Variants in PARD3B observed in about 807,000 individuals in gnomAD.
PARD3B encodes the protein par-3 family cell polarity regulator beta.
Under a neutral mutation model 130.2 loss-of-function variants are expected in PARD3B, and 103 were observed. The observed-to-expected ratio is 0.79, with a 90% CI of 0.67 to 0.93. PARD3B has a LOEUF of 0.93. Among genes scored for constraint, PARD3B ranks in the 40% least tolerant of loss-of-function variants. PARD3B has a pLI of 0.00. For synonymous variants in PARD3B, 583 were observed against 553.2 expected (o/e 1.05, Z -0.76); for missense variants, 1,609 against 1,499.2 (o/e 1.07, Z -1.21).
At position 205,064,051 on chromosome 2, in the gene PARD3B, G is replaced by A. The variant is rs144689361; in HGVS notation, c.504+16361G>A. Among the ~76,000 whole-genome samples the A allele has an allele frequency of 4.3e-3, 661 of 152,298 alleles. 14 individuals are homozygous for A. The highest frequency in any genetic ancestry group is 0.038 in the East Asian group (197 of 5,178). ...AGTTGGAAAAGATACTGGAGGCAAC[G>A]CATTGGGAACAGCCCTGTGGAACTT... On this transcript the variant is annotated intron_variant, in intron 4 of 22. Coordinates refer to ENST00000406610, the MANE Select transcript of PARD3B (RefSeq NM_001302769.2).
intron 18 of PARD3B, among the ~76,000 whole-genome samples, chr2:205,369,708 T>A (rs547382552): frequency 2.4e-4 from 37 of 152,348 alleles, no homozygotes; most frequent in South Asian, 6.2e-4. Flanking sequence ...CTCCCTACAT[T>A]ACAGATAATC....
intron 1 of PARD3B, among the ~76,000 whole-genome samples, chr2:204,593,941 G>A (rs1022630339): frequency 6.6e-6 from 1 of 152,122 alleles, no homozygotes; most frequent in Non-Finnish European, 1.5e-5. Flanking sequence ...TTCCACAGTT[G>A]TGTCTTGACT....
At chr2:205,145,018 C>G (rs1320978560) in intron 10 of PARD3B, among the ~76,000 whole-genome samples, 1 of 152,124 alleles carries the variant, frequency 6.6e-6, no homozygotes, top group African/African-American at 2.4e-5. Flanking sequence ...ACTCCCTGAG[C>G]CTTAAAGTGA....
rs73068650 is a variant in PARD3B at position 204,864,538 on chromosome 2, G to A, written c.223-100614G>A. On this transcript the variant is annotated intron_variant, in intron 2 of 22. Transcript: ENST00000406610. The stretch of plus-strand genomic sequence containing the variant: ...TCTTTCTTAGAATTAAAGTGTCCAC[G>A]CAAAGTCCCCCTATTCAAAGAGTGC... 6.4e-3 allele frequency among the ~76,000 whole-genome samples: 969 copies of A among 152,156 alleles called. 6 individuals carry two copies. The highest frequency in any genetic ancestry group is 0.022 in the African/African-American group (906 of 41,506).
chr2:205,445,376 G>C (rs940211543), intron 20 of PARD3B, among the ~76,000 whole-genome samples: 5 of 152,214 alleles, frequency 3.3e-5, no homozygotes, highest in Admixed American at 1.3e-4. Flanking sequence ...TTGGCTCACA[G>C]TTCTGCAGGC....
intron 2 of PARD3B, among the ~76,000 whole-genome samples, chr2:204,778,739 T>C (rs1358079565): frequency 1.3e-5 from 2 of 152,130 alleles, no homozygotes; most frequent in Admixed American, 1.3e-4. Flanking sequence ...ATCATGCTAG[T>C]CCAAGCTGCC....
chr2:204,616,854 G>T (rs2034130523), intron 1 of PARD3B, among the ~76,000 whole-genome samples: 2 of 152,286 alleles, frequency 1.3e-5, no homozygotes, highest in Middle Eastern at 3.4e-3. Flanking sequence ...ACTGAAAGTG[G>T]CAGGAACATG....
intron 2 of PARD3B, among the ~76,000 whole-genome samples, chr2:204,706,718 A>T (rs1009991279): frequency 6.6e-6 from 1 of 152,196 alleles, no homozygotes; most frequent in Non-Finnish European, 1.5e-5. Flanking sequence ...CCTTGAAAAC[A>T]AATGAGTTTC....
chr2:205,012,013 A>G (rs1352384538), intron 3 of PARD3B, among the ~76,000 whole-genome samples: 1 of 152,152 alleles, frequency 6.6e-6, no homozygotes, highest in Non-Finnish European at 1.5e-5. Context: ...TCTTGCCATC[A>G]GCCCCACCCT....
intron 10 of PARD3B, among the ~76,000 whole-genome samples, chr2:205,155,781 A>G (rs1292072893): frequency 2.0e-5 from 3 of 151,988 alleles, no homozygotes; most frequent in East Asian, 1.9e-4. Flanking sequence ...TTTGATTTGC[A>G]TTTCTCTGAT....
chr2:205,446,380 C>T lies in PARD3B; in HGVS notation c.3044+5708C>T, dbSNP rs548508223. Among the ~76,000 whole-genome samples the T allele has an allele frequency of 6.6e-6, 1 of 152,200 alleles. No homozygotes were observed. Among genetic ancestry groups the T allele is most frequent in the East Asian group, 1.9e-4 (1 of 5,186 alleles). ...TCAATAGGCTGTTTAATAGCATAGG[C>T]GGTTTATCCTCATCTACTTATTTGT... On this transcript the variant is annotated intron_variant, in intron 20 of 22. Transcript: ENST00000406610. This position sits in a 1 kb window ranked among gnomAD's most constrained non-coding sequence, Gnocchi z 4.4.
chr2:204,779,324 C>T (rs1337622759), intron 2 of PARD3B, among the ~76,000 whole-genome samples: 1 of 152,146 alleles, frequency 6.6e-6, no homozygotes, highest in African/African-American at 2.4e-5. Flanking sequence ...GTGTCTAATA[C>T]ATAGCAGCTG....
intron 20 of PARD3B, among the ~76,000 whole-genome samples, chr2:205,464,322 G>C (rs562145090): frequency 5.3e-5 from 8 of 152,142 alleles, no homozygotes; most frequent in Non-Finnish European, 1.2e-4. Flanking sequence ...CTAAAAGTTG[G>C]TTAGTAGACT....
chr2:205,459,321 C>T (rs2048372880), intron 20 of PARD3B, among the ~76,000 whole-genome samples: 1 of 152,012 alleles, frequency 6.6e-6, no homozygotes, highest in Admixed American at 6.6e-5. Context: ...TAAGCTTATC[C>T]AGCTTTTTTG....
Position 205,291,409 on chromosome 2 carries a change from CAGAT to C in PARD3B, c.2186-9120_2186-9117del, listed in dbSNP as rs1314960551. On this transcript the variant is annotated intron_variant, in intron 16 of 22. Coordinates refer to ENST00000406610, the MANE Select transcript of PARD3B (RefSeq NM_001302769.2). This position sits in a 1 kb window ranked among gnomAD's most constrained non-coding sequence, Gnocchi z 4.6. ...GGTAAAGGCCATTCTTATGAGGTCT[CAGAT>C]GGAAATGAGGAACATGTTATTCACG... Among the ~76,000 whole-genome samples, 2 of 152,072 alleles carry C rather than the reference CAGAT, an allele frequency of 1.3e-5. No homozygotes were observed. Among genetic ancestry groups the C allele is most frequent in the African/African-American group, 4.8e-5 (2 of 41,408 alleles).
At chr2:204,820,071 C>CTTTTTTTT (rs557143420) in intron 2 of PARD3B, among the ~76,000 whole-genome samples, 5,399 of 98,172 alleles carry the variant, frequency 0.055, 658 homozygotes, top group African/African-American at 0.13. Context: ...AAACAATAGA[C>CTTTTTTTT]TTTTTTTTTT....
At chr2:205,197,606 A>T (rs1051883572) in intron 15 of PARD3B, among the ~76,000 whole-genome samples, 1 of 152,178 alleles carries the variant, frequency 6.6e-6, no homozygotes, top group African/African-American at 2.4e-5. Context: ...GCATGTGGTC[A>T]CATTTAAATC....
chr2:204,696,662 G>A (rs528875892), intron 2 of PARD3B, among the ~76,000 whole-genome samples: 12 of 152,138 alleles, frequency 7.9e-5, no homozygotes, highest in South Asian at 6.2e-4. Flanking sequence ...AAGTTGTAGC[G>A]TTTGAAAGTC....
At position 205,416,707 on chromosome 2, in the gene PARD3B, T is replaced by C. The variant is rs372249551; in HGVS notation, c.2741+15584T>C. Among the ~76,000 whole-genome samples, 11 of 152,158 alleles carry C rather than the reference T, an allele frequency of 7.2e-5. No individual in the cohort carries two copies. In the East Asian group the frequency reaches 1.9e-3, roughly 27 times the overall value. ...ACTATGCCCCTTTATGGAAGATTGA[T>C]GCATTAAAAAAAATCATGTAAGTAT... On this transcript the variant is annotated intron_variant, in intron 19 of 22. Coordinates refer to ENST00000406610, the MANE Select transcript of PARD3B (RefSeq NM_001302769.2).
Sources: allele counts gnomAD v4.1 joint callset (sites outside exome capture counted in the v4.1 genomes callset), GRCh38; gene constraint gnomAD v4.1.1; non-coding constraint Gnocchi (gnomAD v3.1); transcripts MANE v1.5; gene names NCBI Gene and HGNC (gene_info 2026-07-23, HGNC 2026-07-21).